Variants in ATXN7L1 observed in about 807,000 individuals in gnomAD.
ATXN7L1 encodes the protein ataxin 7 like 1.
Under a neutral mutation model 70.8 loss-of-function variants are expected in ATXN7L1, and 15 were observed. The ratio of observed to expected loss-of-function variants is 0.21; its 90% CI spans 0.14 to 0.33. The LOEUF (loss-of-function observed/expected upper bound fraction) is 0.33, where lower values mean the gene tolerates loss of function less well. Ranked by LOEUF, ATXN7L1 falls within the 10% of genes least tolerant of loss-of-function variation. The pLI is 1.00. For synonymous variants in ATXN7L1, 440 were observed against 445.1 expected, an observed-to-expected ratio of 0.99 and a Z score of 0.14; for missense variants, 975 against 1,097.1, an observed-to-expected ratio of 0.89 and a Z score of 1.57.
At chr7:105,664,202 G>A (rs956989647) in intron 4 of ATXN7L1, among the ~76,000 whole-genome samples, 1 of 152,026 alleles carries the variant, frequency 6.6e-6, no homozygotes, top group African/African-American at 2.4e-5. Context: ...CACAGGACCT[G>A]GGACCCAGTG....
intron 3 of ATXN7L1, among the ~76,000 whole-genome samples, chr7:105,718,605 T>C (rs962615884): frequency 7.2e-5 from 11 of 152,014 alleles, no homozygotes; most frequent in Admixed American, 1.3e-4. Flanking sequence ...TCACACACAG[T>C]TTGCATCTCT....
Position 105,692,508 on chromosome 7 carries a change from G to A in ATXN7L1, c.356-27220C>T, listed in dbSNP as rs557112799. ...GTCACCCAGGCTGGAGTGCAATGGC[G>A]CTATCTTGGCTCACTGCAACCTCTG... On this transcript the variant is annotated intron_variant, in intron 3 of 11. Coordinates refer to ENST00000419735, the MANE Select transcript of ATXN7L1 (RefSeq NM_020725.2). 4.9e-5 allele frequency among the ~76,000 whole-genome samples: 7 copies of A among 144,302 alleles called. No homozygotes were observed. In the South Asian group the frequency reaches 1.4e-3, roughly 28 times the overall value. The allele number at this position is 144,302 out of a possible 152,430, so 94.7% of individuals were successfully genotyped here. A position where few individuals can be genotyped will look rare whatever the true frequency, so the allele number is the denominator to read the frequency against.
At position 105,665,180 on chromosome 7, in the gene ATXN7L1, T is replaced by C. The variant is rs756452588; in HGVS notation, c.464A>G (p.His155Arg). 3 of 1,551,714 alleles carry C rather than the reference T, an allele frequency of 1.9e-6. No individual in the cohort carries two copies. Among genetic ancestry groups the C allele is most frequent in the African/African-American group, 1.4e-5 (1 of 73,174 alleles). ...CTTTGAGGTGCTGCTGGCAGAGTGA[T>C]GGCCGCTGAGACAGGCTTTTGTTTT... is the stretch of plus-strand genomic sequence containing the variant. Reference protein sequence around the residue: ...QVKTKACLSGHHSASSTSKPF... With the variant: ...QVKTKACLSGRHSASSTSKPF... Residue 155 changes from histidine to arginine, a missense_variant, in exon 4 of 12, where the codon CAT becomes CGT. This residue lies in a region of ATXN7L1 where 192 missense variants were observed against 215.5 expected (regional missense o/e 0.89). Transcript: ENST00000419735.
At chr7:105,741,858 G>A (rs555469707) in intron 3 of ATXN7L1, among the ~76,000 whole-genome samples, 14 of 152,180 alleles carry the variant, frequency 9.2e-5, no homozygotes, top group Non-Finnish European at 1.9e-4. Context: ...TGAGATGGGG[G>A]TGAGGCATCT....
chr7:105,655,024 G>A lies in ATXN7L1; in HGVS notation c.578+10042C>T, dbSNP rs975272471. 5.3e-5 allele frequency among the ~76,000 whole-genome samples: 8 copies of A among 151,924 alleles called. 1 individual carries two copies. The South Asian group carries it at 6.2e-4, about 12-fold the overall frequency. On this transcript the variant is annotated intron_variant, in intron 4 of 11. Transcript: ENST00000419735. ...CTCCCAAAGTGCTGGGATTACAGGC[G>A]TGAGCCACAGTGACTGGACACTTCA... is the stretch of plus-strand genomic sequence containing the variant.
At chr7:105,702,034 T>G (rs189680799) in intron 3 of ATXN7L1, among the ~76,000 whole-genome samples, 1 of 152,360 alleles carries the variant, frequency 6.6e-6, no homozygotes, top group Admixed American at 6.5e-5. Context: ...AGAAGACAAG[T>G]TGAAAAGCTC....
chr7:105,761,502 G>C (rs1800542412), intron 3 of ATXN7L1: 1 of 1,610,260 alleles, frequency 6.2e-7, no homozygotes, highest in Non-Finnish European at 8.5e-7. Context: ...TTGCTGAATG[G>C]TATCAACATG....
At chr7:105,789,334 T>C (rs1804787440) in intron 2 of ATXN7L1, among the ~76,000 whole-genome samples, 1 of 152,096 alleles carries the variant, frequency 6.6e-6, no homozygotes, top group African/African-American at 2.4e-5. Context: ...GGAACAAGAA[T>C]GAGTTCTCTG....
intron 4 of ATXN7L1, among the ~76,000 whole-genome samples, chr7:105,662,027 T>TTTCC (rs1231104302): frequency 0.012 from 573 of 48,780 alleles, 3 homozygotes; most frequent in Middle Eastern, 0.053. Context: ...TCTTTCTTTC[T>TTTCC]TTCCTTCCTT....
chr7:105,744,979 C>G (rs1798419908), intron 3 of ATXN7L1, among the ~76,000 whole-genome samples: 1 of 152,032 alleles, frequency 6.6e-6, no homozygotes, highest in African/African-American at 2.4e-5. Flanking sequence ...CTCAGGTGAT[C>G]CATCTGCCTT....
chr7:105,761,807 GATAGA>G (rs1800593754), intron 3 of ATXN7L1, among the ~76,000 whole-genome samples: 2 of 152,124 alleles, frequency 1.3e-5, no homozygotes, highest in African/African-American at 4.8e-5. Context: ...TTCATGCCTT[GATAGA>G]ATCTCATTTT....
chr7:105,727,744 GTGTATATATATA>G (rs1795996855), intron 3 of ATXN7L1, among the ~76,000 whole-genome samples: 2 of 31,732 alleles, frequency 6.3e-5, no homozygotes, highest in Non-Finnish European at 9.8e-5. Context: ...GTGTGTATGT[GTGTATATATATA>G]TATATATATA....
chr7:105,717,691 T>C (rs934417247), intron 3 of ATXN7L1, among the ~76,000 whole-genome samples: 20 of 152,226 alleles, frequency 1.3e-4, no homozygotes, highest in Admixed American at 1.3e-3. Context: ...GAAAGTCTGC[T>C]TTGCTTTTTC....
At chr7:105,859,014 A>G (rs1292711431) in intron 2 of ATXN7L1, among the ~76,000 whole-genome samples, 1 of 152,116 alleles carries the variant, frequency 6.6e-6, no homozygotes, top group Admixed American at 6.6e-5. Flanking sequence ...GAACCATAAC[A>G]GGATCTAGTT....
chr7:105,623,236 T>C (rs1795194345), intron 8 of ATXN7L1, among the ~76,000 whole-genome samples: 1 of 152,068 alleles, frequency 6.6e-6, no homozygotes, highest in African/African-American at 2.4e-5. Context: ...CCAGGATGGA[T>C]TTCACTTACA....
At chr7:105,779,452 T>G (rs1355077733) in intron 3 of ATXN7L1, among the ~76,000 whole-genome samples, 1 of 152,156 alleles carries the variant, frequency 6.6e-6, no homozygotes, top group Non-Finnish European at 1.5e-5. Flanking sequence ...TATAAAAACT[T>G]GAAGTGAAGC....
chr7:105,796,130 C>A (rs138695871), intron 2 of ATXN7L1, among the ~76,000 whole-genome samples: 1 of 152,022 alleles, frequency 6.6e-6, no homozygotes, highest in African/African-American at 2.4e-5. Flanking sequence ...TTTGGGAGGC[C>A]GAGGCGGGCA....
chr7:105,744,334 G>C (rs12532626), intron 3 of ATXN7L1, among the ~76,000 whole-genome samples: 19,555 of 152,170 alleles, frequency 0.13, 1,392 homozygotes, highest in African/African-American at 0.18. Flanking sequence ...ATGGTTGTGG[G>C]AGACTAAATC....
At chr7:105,788,105 A>G (rs1804587239) in intron 3 of ATXN7L1, 1 of 153,032 alleles carries the variant, frequency 6.5e-6, no homozygotes, top group Non-Finnish European at 1.5e-5. Flanking sequence ...TTTAACAAGG[A>G]GGATTCTTGG....
Sources: gnomAD v4.1 joint callset for allele counts (sites outside exome capture counted in the v4.1 genomes callset) on GRCh38, gnomAD v4.1.1 for gene constraint, gnomAD v4.1.1 regional missense constraint, MANE v1.5 for transcripts, NCBI Gene and HGNC (gene_info 2026-07-23, HGNC 2026-07-21) for gene names.